Variants in SCLY observed in about 807,000 individuals in gnomAD.
SCLY encodes the protein putative selenocysteine lyase.
Under a neutral mutation model 50.1 loss-of-function variants are expected in SCLY, and 38 were observed. The ratio of observed to expected loss-of-function variants is 0.76; its 90% CI spans 0.59 to 0.99. The LOEUF (loss-of-function observed/expected upper bound fraction) is 0.99, where lower values mean the gene tolerates loss of function less well. Among genes scored for constraint, SCLY ranks in the 50% least tolerant of loss-of-function variants. SCLY has a pLI of 0.00. For synonymous variants in SCLY, 243 were observed against 249.4 expected, an observed-to-expected ratio of 0.97 and a Z score of 0.24; for missense variants, 600 against 620.0, an observed-to-expected ratio of 0.97 and a Z score of 0.34.
At chr2:238,091,120 C>A in intron 7 of SCLY, 98 bp from the exon 8 acceptor site, 1 of 1,120,094 alleles carries the variant, frequency 8.9e-7, no homozygotes, top group Admixed American at 1.7e-5. Context: ...AAAGATGTAG[C>A]GTGAGTTTGA....
chr2:238,073,988 CAGT>C, intron 4 of SCLY: 1 of 276,210 alleles, frequency 3.6e-6, no homozygotes, highest in South Asian at 3.4e-5. Context: ...TTCTAGTCAA[CAGT>C]AGGTTATTTG....
rs1691382654 is a variant in SCLY, at chr2:238,099,088, G to A, written c.*733G>A. 2.8e-6 allele frequency: 1 copy of A among 357,884 alleles called. No homozygotes were observed. The highest frequency in any genetic ancestry group is 2.1e-5 in the South Asian group (1 of 47,230). The allele number at this position is 357,884 out of a possible 1,614,324, so 22.2% of individuals were successfully genotyped here. ...CGCACTTCCCTGTCCACGGTCCCCA[G>A]GCCTTCCTGTCTTGTCCCTTTTGAT... On this transcript the variant is annotated 3_prime_UTR_variant, in exon 12 of 12. Transcript: ENST00000254663.
intron 3 of SCLY, among the ~76,000 whole-genome samples, chr2:238,068,428 A>C (rs2106437658): frequency 6.6e-6 from 1 of 152,036 alleles, no homozygotes; most frequent in East Asian, 1.9e-4. Flanking sequence ...GTACACCTGT[A>C]GTCCCAGCTA....
chr2:238,082,920 C>CT (rs3835105), intron 6 of SCLY: 4,231 of 285,194 alleles, frequency 0.015, 1 homozygote, highest in Middle Eastern at 0.023. Flanking sequence ...CATTCTCTTT[C>CT]TTTTTTTTTT....
chr2:238,098,326 G>A lies in SCLY; in HGVS notation c.1309G>A (p.Ala437Thr), dbSNP rs747726959. ...VDLVVQDLKQAVAQLEDQA is the reference protein window; with the variant it reads ...VDLVVQDLKQTVAQLEDQA The stretch of plus-strand genomic sequence containing the variant: ...CCTCGTCGTGCAGGACCTGAAGCAG[G>A]CCGTGGCGCAGCTGGAGGACCAGGC... The change falls in exon 12 of 12, where the codon GCC (alanine) becomes ACC (threonine). Residue 437 changes from alanine (A) to threonine (T), a missense_variant. By Grantham distance (58) the Ala-to-Thr change is moderately conservative. Coordinates refer to ENST00000254663, the MANE Select transcript of SCLY (RefSeq NM_016510.7). The A allele has an allele frequency of 1.9e-6, 3 of 1,604,414 alleles. No individual in the cohort carries two copies. Among genetic ancestry groups the A allele is most frequent in the Non-Finnish European group, 2.5e-6 (3 of 1,178,318 alleles).
At chr2:238,082,685 G>GAAGAA (rs2065250629) in intron 6 of SCLY, 1 of 188,860 alleles carries the variant, frequency 5.3e-6, no homozygotes, top group Non-Finnish European at 1.1e-5. Flanking sequence ...AGTTAACAGT[G>GAAGAA]AAGACCCTTC....
rs527504984 is a variant in SCLY at position 238,098,442 on chromosome 2, C to T, written c.*87C>T. 24 of 1,376,252 alleles carry T rather than the reference C, an allele frequency of 1.7e-5. No individual in the cohort carries two copies. The highest frequency in any genetic ancestry group is 2.6e-4 in the Middle Eastern group (1 of 3,798). The allele number at this position is 1,376,252 out of a possible 1,614,324, so 85.3% of individuals were successfully genotyped here. On this transcript the variant is annotated 3_prime_UTR_variant, in exon 12 of 12. Coordinates refer to ENST00000254663, the MANE Select transcript of SCLY (RefSeq NM_016510.7). ...CTCCAGTTCCCTCCTGAGGGCTGTG[C>T]CAGGATGACTGTCTCATGCCCCCTC...
At chr2:238,078,685 A>G (rs1277905846) in intron 4 of SCLY, 2 of 151,604 alleles carry the variant, frequency 1.3e-5, no homozygotes, top group African/African-American at 4.9e-5. Context: ...GTGCATTGTT[A>G]CAAATATCTT....
chr2:238,068,909 T>C (rs1348745798), intron 3 of SCLY, among the ~76,000 whole-genome samples: 2 of 152,370 alleles, frequency 1.3e-5, no homozygotes, highest in East Asian at 1.9e-4. Context: ...GTAGATGTGA[T>C]AAATGGCCCA....
At position 238,083,054 on chromosome 2, in the gene SCLY, T is replaced by C; in HGVS notation, c.778-194T>C. ...CTAGCACCTGCGCTGCCTCCTAGGT[T>C]GGGGTTCCACCCTGCCCCGAAGGCT... On this transcript the variant is annotated intron_variant, in intron 6 of 11. Coordinates refer to ENST00000254663, the MANE Select transcript of SCLY (RefSeq NM_016510.7). The surrounding 1 kb of genome is among the most constrained non-coding windows in gnomAD (Gnocchi z 4.3). 1 of 672,426 alleles carries C rather than the reference T, an allele frequency of 1.5e-6. No homozygotes were observed. The highest frequency in any genetic ancestry group is 2.8e-6 in the Non-Finnish European group (1 of 355,018). 41.7% of individuals were successfully genotyped at this position (672,426 alleles called of 1,614,324 possible).
intron 10 of SCLY, chr2:238,095,598 G>T (rs901806893): frequency 5.9e-5 from 9 of 152,242 alleles, no homozygotes; most frequent in African/African-American, 2.2e-4. Flanking sequence ...CTTGTGGGCA[G>T]TGAAGCCTGG....
chr2:238,082,207 A>G lies in SCLY; in HGVS notation c.775A>G (p.Lys259Glu), dbSNP rs1302894367. Reference protein sequence around the residue: ...GVDFLTIVGHKFYGPRIGALY... With the variant: ...GVDFLTIVGHEFYGPRIGALY... ...GGACTTCCTTACAATCGTGGGGCAC[A>G]AGGTAAGTCTGCAGAGGCTTCCTGC... The change falls in exon 6 of 12, where the codon AAG becomes GAG. Residue 259 changes from lysine (K) to glutamate (E), a missense_variant and splice_region_variant. Transcript: ENST00000254663. 4 of 1,601,736 alleles carry G rather than the reference A, an allele frequency of 2.5e-6. No homozygotes were observed. Among genetic ancestry groups the G allele is most frequent in the Non-Finnish European group, 3.4e-6 (4 of 1,173,730 alleles).
chr2:238,090,564 C>T (rs931580932), intron 7 of SCLY, among the ~76,000 whole-genome samples: 3 of 152,160 alleles, frequency 2.0e-5, no homozygotes, highest in Non-Finnish European at 4.4e-5. Context: ...CACTTGAACC[C>T]GGCAGGTGGA....
chr2:238,072,506 T>C (rs1247577234), intron 4 of SCLY, among the ~76,000 whole-genome samples: 1 of 152,222 alleles, frequency 6.6e-6, no homozygotes, highest in Non-Finnish European at 1.5e-5. Context: ...CTATTTGCAG[T>C]GTCACAGGGT....
At chr2:238,088,454 C>CT (rs2065324459) in intron 7 of SCLY, among the ~76,000 whole-genome samples, 1 of 152,072 alleles carries the variant, frequency 6.6e-6, no homozygotes, top group South Asian at 2.1e-4. Flanking sequence ...GAGCAAGACT[C>CT]TATCTCAAAA....
rs2065240908 is a variant in SCLY, at chr2:238,081,841, G to A, written c.612+5G>A. 1 of 1,612,738 alleles carries A rather than the reference G, an allele frequency of 6.2e-7. No homozygotes were observed. Among genetic ancestry groups the A allele is most frequent in the African/African-American group, 1.3e-5 (1 of 74,944 alleles). ...AATGAGACTGGCATTGTCATGGTGA[G>A]TCGGCCTTTGTTTCTCTTTAAGGAG... On this transcript the variant is annotated splice_donor_5th_base_variant and intron_variant, in intron 5 of 11. Coordinates refer to ENST00000254663, the MANE Select transcript of SCLY (RefSeq NM_016510.7).
chr2:238,062,923 G>A (rs1261866661), intron 1 of SCLY, among the ~76,000 whole-genome samples: 1 of 152,242 alleles, frequency 6.6e-6, no homozygotes, highest in African/African-American at 2.4e-5. Context: ...TTGGATATTA[G>A]TAAAAAGATA....
At position 238,098,760 on chromosome 2, in the gene SCLY, G is replaced by A; in HGVS notation, c.*405G>A. 2.7e-6 allele frequency: 1 copy of A among 376,642 alleles called. No homozygotes were observed. Among genetic ancestry groups the A allele is most frequent in the Non-Finnish European group, 4.7e-6 (1 of 212,072 alleles). The allele number at this position is 376,642 out of a possible 1,614,324, so 23.3% of individuals were successfully genotyped here. ...TTGTGAGTGCCCTTTCCTGGAAGGT[G>A]TTTTTATCTGGAAGATAGAATCCAA... On this transcript the variant is annotated 3_prime_UTR_variant, in exon 12 of 12. Transcript: ENST00000254663.
Position 238,083,762 on chromosome 2 carries a change from G to A in SCLY, c.884+408G>A, listed in dbSNP as rs1188556703. 6.6e-6 allele frequency among the ~76,000 whole-genome samples: 1 copy of A among 152,216 alleles called. No individual in the cohort carries two copies. The highest frequency in any genetic ancestry group is 1.5e-5 in the Non-Finnish European group (1 of 68,044). Reference sequence around the variant, plus strand: ...CTGTGTCCCCTCTATGTATAGTGACGTGTTAACTGGGAAATTAGTTGTTGC... The same window carrying A: ...CTGTGTCCCCTCTATGTATAGTGACATGTTAACTGGGAAATTAGTTGTTGC... On this transcript the variant is annotated intron_variant, in intron 7 of 11. Coordinates refer to ENST00000254663, the MANE Select transcript of SCLY (RefSeq NM_016510.7). The surrounding 1 kb of genome is among the most constrained non-coding windows in gnomAD (Gnocchi z 4.3).
Sources: gnomAD v4.1 joint callset for allele counts (sites outside exome capture counted in the v4.1 genomes callset) on GRCh38, gnomAD v4.1.1 for gene constraint, Gnocchi (gnomAD v3.1) non-coding constraint, MANE v1.5 for transcripts, NCBI Gene and HGNC (gene_info 2026-07-23, HGNC 2026-07-21) for gene names.